Variants in FLVCR1 observed in about 807,000 individuals in gnomAD.
FLVCR1 encodes the protein choline/ethanolamine transporter FLVCR1.
A neutral mutation model predicts 53.6 loss-of-function variants in FLVCR1; 34 were observed. That is an observed-to-expected ratio of 0.63 (90% CI 0.48 to 0.84). The LOEUF is 0.84. FLVCR1 is among the 40% of genes least tolerant of loss of function. FLVCR1 has a pLI of 0.00. For synonymous variants in FLVCR1, 300 were observed against 286.3 expected (o/e 1.05, Z -0.48); for missense variants, 677 against 696.7 (o/e 0.97, Z 0.32).
chr1:212,885,639 CTCCCGGCT>C (rs1412662964), intron 5 of FLVCR1: 7 of 367,330 alleles, frequency 1.9e-5, no homozygotes, highest in Non-Finnish European at 3.0e-5. Flanking sequence ...CAACCTCTGT[CTCCCGGCT>C]TCACGCCATT....
intron 2 of FLVCR1, among the ~76,000 whole-genome samples, chr1:212,872,265 C>A (rs1558112547): frequency 1.3e-5 from 2 of 152,140 alleles, no homozygotes; most frequent in Non-Finnish European, 2.9e-5. Flanking sequence ...CAGGCATGAG[C>A]CACTGTGCCC....
At chr1:212,877,464 C>T (rs1664786993) in intron 3 of FLVCR1, among the ~76,000 whole-genome samples, 2 of 152,262 alleles carry the variant, frequency 1.3e-5, no homozygotes, top group African/African-American at 4.8e-5. Context: ...CTGCCTGCCT[C>T]AGCCTCCCAA....
At chr1:212,892,233 G>C (rs1309635400) in intron 8 of FLVCR1, among the ~76,000 whole-genome samples, 2 of 152,246 alleles carry the variant, frequency 1.3e-5, no homozygotes, top group Admixed American at 1.3e-4. Flanking sequence ...TTTCCATGTA[G>C]ATGAAACAGG....
At chr1:212,876,034 G>A (rs2102555419) in intron 3 of FLVCR1, among the ~76,000 whole-genome samples, 1 of 151,598 alleles carries the variant, frequency 6.6e-6, no homozygotes, top group Middle Eastern at 3.4e-3. Flanking sequence ...CTACAGGTGT[G>A]TGCTACCACA....
chr1:212,878,533 C>CAAAAA (rs58243050), intron 3 of FLVCR1, among the ~76,000 whole-genome samples: 1 of 112,840 alleles, frequency 8.9e-6, no homozygotes, highest in African/African-American at 3.7e-5. Context: ...GTCTCCGTCT[C>CAAAAA]AAAAAAAAAA....
At chr1:212,864,735 A>G (rs1047079474) in intron 2 of FLVCR1, among the ~76,000 whole-genome samples, 9 of 152,202 alleles carry the variant, frequency 5.9e-5, no homozygotes, top group African/African-American at 2.2e-4. Flanking sequence ...GGAGTTTTAA[A>G]TTTATATACT....
intron 6 of FLVCR1, 37 bp from the exon 7 acceptor site, chr1:212,888,452 G>C: frequency 7.3e-7 from 1 of 1,379,280 alleles, no homozygotes; most frequent in South Asian, 1.2e-5. Flanking sequence ...GTGACTTTCT[G>C]GTAGTTCTTT....
chr1:212,885,486 C>A, intron 5 of FLVCR1, 90 bp downstream of exon 5: 5 of 800,064 alleles, frequency 6.2e-6, no homozygotes, highest in East Asian at 3.7e-5. Flanking sequence ...AAATTTAAAA[C>A]ATGTTATTAC....
intron 2 of FLVCR1, among the ~76,000 whole-genome samples, chr1:212,871,567 C>T (rs1664596513): frequency 6.6e-6 from 1 of 152,100 alleles, no homozygotes; most frequent in African/African-American, 2.4e-5. Context: ...CAGGTGCATG[C>T]TGCCATGCAT....
At chr1:212,875,052 C>G (rs961969233) in intron 3 of FLVCR1, among the ~76,000 whole-genome samples, 1 of 152,184 alleles carries the variant, frequency 6.6e-6, no homozygotes, top group Non-Finnish European at 1.5e-5. Context: ...CCTATAAGAG[C>G]TGGCTTAATG....
intron 3 of FLVCR1, among the ~76,000 whole-genome samples, chr1:212,880,314 G>C (rs1221562284): frequency 6.6e-6 from 1 of 152,200 alleles, no homozygotes; most frequent in Non-Finnish European, 1.5e-5. Context: ...TCCTGTGAGT[G>C]AAGTAAGGGC....
intron 3 of FLVCR1, among the ~76,000 whole-genome samples, chr1:212,875,909 T>A (rs1260847125): frequency 6.6e-6 from 1 of 151,628 alleles, no homozygotes; most frequent in African/African-American, 2.4e-5. Context: ...TCGGTTTTAT[T>A]GGTCTCTCAG....
chr1:212,882,658 T>A (rs1298241558), intron 3 of FLVCR1, among the ~76,000 whole-genome samples: 1 of 152,162 alleles, frequency 6.6e-6, no homozygotes, highest in East Asian at 1.9e-4. Flanking sequence ...AATAATAAAC[T>A]TAAGTTTTAG....
chr1:212,895,142 G>T, intron 9 of FLVCR1, 74 bp from the exon 10 acceptor site: 1 of 1,388,578 alleles, frequency 7.2e-7, no homozygotes. Flanking sequence ...TTTTTCTCCC[G>T]AGTCAACTGT....
At chr1:212,885,920 G>A (rs544811719) in intron 5 of FLVCR1, among the ~76,000 whole-genome samples, 15 of 151,834 alleles carry the variant, frequency 9.9e-5, no homozygotes, top group Non-Finnish European at 2.1e-4. Flanking sequence ...TGAGAACTTG[G>A]ATACCTTATG....
intron 3 of FLVCR1, among the ~76,000 whole-genome samples, chr1:212,878,642 G>A (rs1664835847): frequency 6.6e-6 from 1 of 151,886 alleles, no homozygotes; most frequent in South Asian, 2.1e-4. Flanking sequence ...AATATCAATT[G>A]CATTCCTATG....
At chr1:212,872,638 T>G (rs368278898) in intron 2 of FLVCR1, 40 bp from the exon 3 acceptor site, 1 of 1,318,762 alleles carries the variant, frequency 7.6e-7, no homozygotes, top group Non-Finnish European at 1.1e-6. Context: ...ATATTGTATA[T>G]ATATTAAATA....
Position 212,858,468 on chromosome 1 carries a change from G to A in FLVCR1, c.16G>A (p.Asp6Asn). ...AGCCTGGGATATGGCGCGGCCAGAC[G>A]ATGAGGAGGGGGCGGCGGTGGCGCC... MARPD[D>N]EEGAAVAPGH... Residue 6 changes from aspartate to asparagine, a missense_variant, in exon 1 of 10, where the codon GAT becomes AAT. Coordinates refer to ENST00000366971, the MANE Select transcript of FLVCR1 (RefSeq NM_014053.4). The A allele has an allele frequency of 6.9e-7, 1 of 1,440,368 alleles. No homozygotes were observed. Among genetic ancestry groups the A allele is most frequent in the Non-Finnish European group, 9.1e-7 (1 of 1,102,124 alleles). 89.2% of individuals were successfully genotyped at this position (1,440,368 alleles called of 1,614,324 possible).
intron 4 of FLVCR1, among the ~76,000 whole-genome samples, chr1:212,883,839 CTT>C (rs34065564): frequency 0.39 from 56,562 of 143,332 alleles, 11,938 homozygotes; most frequent in South Asian, 0.51. Context: ...TATGAATCTC[CTT>C]TTTTTTTTTT....
Sources: gnomAD v4.1 joint callset for allele counts (sites outside exome capture counted in the v4.1 genomes callset) on GRCh38, gnomAD v4.1.1 for gene constraint, MANE v1.5 for transcripts, NCBI Gene and HGNC (gene_info 2026-07-23, HGNC 2026-07-21) for gene names.